Variants in PDE4D observed in about 807,000 individuals in gnomAD.
PDE4D encodes phosphodiesterase 4D.
A neutral mutation model predicts 87.4 loss-of-function variants in PDE4D; 24 were observed. That is an observed-to-expected ratio of 0.27 (90% CI 0.20 to 0.39). The LOEUF (loss-of-function observed/expected upper bound fraction) is 0.39. Among genes scored for constraint, PDE4D ranks in the 10% least tolerant of loss-of-function variants. The pLI is 1.00. For missense variants in PDE4D, 714 were observed against 1,041.0 expected (o/e 0.69, Z 4.32); for synonymous variants, 384 against 383.2 (o/e 1.00, Z -0.02).
chr5:59,977,623 A>G (rs532155857), intron 3 of PDE4D, among the ~76,000 whole-genome samples: 121 of 152,342 alleles, frequency 7.9e-4, no homozygotes, highest in African/African-American at 2.8e-3. Flanking sequence ...TGATGTATAA[A>G]CTGTGACAAG....
At chr5:59,005,698 C>T (rs1751464526) in intron 6 of PDE4D, among the ~76,000 whole-genome samples, 1 of 152,180 alleles carries the variant, frequency 6.6e-6, no homozygotes, top group Admixed American at 6.5e-5. Context: ...TACCTCATTT[C>T]TAATCTTGGC....
chr5:60,183,282 T>C (rs1197515947), intron 2 of PDE4D, among the ~76,000 whole-genome samples: 3 of 152,222 alleles, frequency 2.0e-5, no homozygotes, highest in Admixed American at 1.3e-4. Context: ...CCCAAGCTGA[T>C]TAATATACTC....
In PDE4D at chr5:58,974,991, C is replaced by T; in HGVS notation, c.2103G>A (p.Leu701=). The stretch of plus-strand genomic sequence containing the variant: ...TCTGGTACCATTCACGATTGTCCTC[C>T]AAAGTGTCCAAAATATCCTGGGCGT... ...HPDAQDILDT[L]EDNREWYQST... The change falls in exon 15 of 15, where the codon TTG becomes TTA. Residue 701 remains leucine (L), a synonymous_variant. Transcript: ENST00000340635. 2.5e-6 allele frequency: 4 copies of T among 1,611,352 alleles called. No individual in the cohort carries two copies. Among genetic ancestry groups the T allele is most frequent in the Non-Finnish European group, 2.5e-6 (3 of 1,178,014 alleles).
chr5:59,451,836 C>T (rs1387489426), intron 1 of PDE4D, among the ~76,000 whole-genome samples: 1 of 152,234 alleles, frequency 6.6e-6, no homozygotes, highest in Non-Finnish European at 1.5e-5. Context: ...TGTCATTCCA[C>T]TGTAATGTCT....
At chr5:59,373,828 C>T (rs1784312037) in intron 1 of PDE4D, among the ~76,000 whole-genome samples, 1 of 152,124 alleles carries the variant, frequency 6.6e-6, no homozygotes, top group Admixed American at 6.6e-5. Context: ...TAACTGTGGA[C>T]CTCTCAGCAG....
chr5:59,768,318 G>A (rs1271978447), intron 1 of PDE4D: 1 of 1,598,278 alleles, frequency 6.3e-7, no homozygotes, highest in East Asian at 2.2e-5. Flanking sequence ...GCAGAAGCCT[G>A]GGGGAATTTC....
chr5:59,625,850 G>A, intron 1 of PDE4D, among the ~76,000 whole-genome samples: 1 of 152,220 alleles, frequency 6.6e-6, no homozygotes, highest in East Asian at 1.9e-4. Context: ...GGAGGCTGAG[G>A]CGGGCGGATC....
Position 59,769,906 on chromosome 5 carries a change from A to C in PDE4D, c.455+123262T>G, listed in dbSNP as rs184787484. On this transcript the variant is annotated intron_variant, in intron 1 of 14. Transcript: ENST00000340635. ...TATGATTACTATTAGGTCAATTTTA[A>C]AAGTTTATTCTGTTTCCCTGCCCCC... Among the ~76,000 whole-genome samples the C allele has an allele frequency of 6.6e-5, 10 of 152,182 alleles. No homozygotes were observed. In the East Asian group the frequency reaches 1.9e-3, roughly 29 times the overall value.
chr5:59,278,461 C>A (rs149806732), intron 1 of PDE4D, among the ~76,000 whole-genome samples: 3 of 152,192 alleles, frequency 2.0e-5, no homozygotes, highest in African/African-American at 7.2e-5. Flanking sequence ...GGACCTTTTA[C>A]TTTCTGGTTG....
At chr5:59,548,008 T>C (rs377576844) in intron 1 of PDE4D, among the ~76,000 whole-genome samples, 2 of 152,130 alleles carry the variant, frequency 1.3e-5, no homozygotes, top group African/African-American at 4.8e-5. Flanking sequence ...TGCTACCACA[T>C]AGAGAAAGTC....
intron 1 of PDE4D, among the ~76,000 whole-genome samples, chr5:60,487,175 A>G (rs1457621560): frequency 6.6e-6 from 1 of 152,198 alleles, no homozygotes; most frequent in African/African-American, 2.4e-5. Context: ...CAGCAACAGA[A>G]GTTACCCCCC....
intron 3 of PDE4D, among the ~76,000 whole-genome samples, chr5:59,967,133 A>G (rs1348529715): frequency 6.6e-6 from 1 of 152,186 alleles, no homozygotes; most frequent in East Asian, 1.9e-4. Flanking sequence ...TTACTTTGGC[A>G]TAATCGGAGT....
At chr5:59,859,976 G>T (rs1216846700) in intron 1 of PDE4D, among the ~76,000 whole-genome samples, 1 of 152,184 alleles carries the variant, frequency 6.6e-6, no homozygotes, top group Admixed American at 6.5e-5. Flanking sequence ...CAGAATTTGG[G>T]AAGAAAGGGA....
chr5:59,352,011 T>G (rs1780605162), intron 1 of PDE4D, among the ~76,000 whole-genome samples: 1 of 152,114 alleles, frequency 6.6e-6, no homozygotes, highest in African/African-American at 2.4e-5. Flanking sequence ...CTTCCAGAAT[T>G]CACACCTGTG....
chr5:60,322,534 G>A (rs191798725), intron 1 of PDE4D, among the ~76,000 whole-genome samples: 3 of 152,110 alleles, frequency 2.0e-5, no homozygotes, highest in Non-Finnish European at 4.4e-5. Flanking sequence ...ATAATTCCCA[G>A]TAGGTGAATT....
chr5:59,645,127 A>G (rs1375136474), intron 1 of PDE4D, among the ~76,000 whole-genome samples: 1 of 152,230 alleles, frequency 6.6e-6, no homozygotes, highest in Non-Finnish European at 1.5e-5. Flanking sequence ...ACTCTAGGAA[A>G]AAAATAGAAC....
At chr5:59,774,869 GT>G (rs531444507) in intron 1 of PDE4D, among the ~76,000 whole-genome samples, 4 of 151,720 alleles carry the variant, frequency 2.6e-5, no homozygotes, top group Admixed American at 6.6e-5. Flanking sequence ...TAATTTTCGT[GT>G]TTTTAGTAGA....
rs150681808 is a variant in PDE4D at position 59,237,311 on chromosome 5, A to G, written c.456-21343T>C. 1.4e-3 allele frequency among the ~76,000 whole-genome samples: 207 copies of G among 152,310 alleles called. 3 individuals carry two copies. Among genetic ancestry groups the G allele is most frequent in the African/African-American group, 4.7e-3 (195 of 41,574 alleles). On this transcript the variant is annotated intron_variant, in intron 1 of 14. Transcript: ENST00000340635. Reference sequence around the variant, plus strand: ...CAGCTATTTGAGGTTGGGGGTCTCCATACCATTTACTTTAATCATCATAAA... The same window carrying G: ...CAGCTATTTGAGGTTGGGGGTCTCCGTACCATTTACTTTAATCATCATAAA...
chr5:60,298,903 C>T (rs578030360), intron 1 of PDE4D, among the ~76,000 whole-genome samples: 31 of 152,152 alleles, frequency 2.0e-4, no homozygotes, highest in African/African-American at 7.0e-4. Flanking sequence ...AAACACAGTG[C>T]GATTCTGTTA....
Sources: gnomAD v4.1 joint callset for allele counts (sites outside exome capture counted in the v4.1 genomes callset) on GRCh38, gnomAD v4.1.1 for gene constraint, MANE v1.5 for transcripts, NCBI Gene and HGNC (gene_info 2026-07-23, HGNC 2026-07-21) for gene names.